USH2A: variants seen among roughly 807,000 people sequenced by gnomAD.
USH2A encodes Usher syndrome 2A (autosomal recessive, mild).
A neutral mutation model predicts 538.9 loss-of-function variants in USH2A; 443 were observed. The ratio of observed to expected loss-of-function variants is 0.82; its 90% confidence interval spans 0.76 to 0.89. The LOEUF (loss-of-function observed/expected upper bound fraction) is 0.89. Among genes scored for constraint, USH2A ranks in the 40% least tolerant of loss-of-function variants. The pLI, the probability that USH2A is intolerant of heterozygous loss-of-function variation, is 0.00. For missense variants in USH2A, 6,633 were observed against 6,324.8 expected, an observed-to-expected ratio of 1.05 and a Z score of -1.65; for synonymous variants, 2,413 against 2,273.5, an observed-to-expected ratio of 1.06 and a Z score of -1.75.
At chr1:215,627,437 C>CTTCTTCCTTCT (rs1222011734) in intron 71 of USH2A, among the ~76,000 whole-genome samples, 1 of 50,728 alleles carries the variant, frequency 2.0e-5, no homozygotes, top group Non-Finnish European at 4.2e-5. Flanking sequence ...TCCTTCCTTC[C>CTTCTTCCTTCT]TTCCTTCCTT....
intron 47 of USH2A, among the ~76,000 whole-genome samples, chr1:215,822,721 T>G (rs1663045045): frequency 3.3e-5 from 5 of 152,148 alleles, no homozygotes; most frequent in Admixed American, 6.6e-5. Flanking sequence ...ACTTTCATTT[T>G]TTCCCAGTTC....
intron 10 of USH2A, among the ~76,000 whole-genome samples, chr1:216,290,732 A>C (rs1351185269): frequency 6.6e-6 from 1 of 152,168 alleles, no homozygotes; most frequent in Admixed American, 6.5e-5. Context: ...TGTCTCTTAG[A>C]AACCGAGTGA....
chr1:215,950,795 C>T (rs922724353), intron 37 of USH2A, among the ~76,000 whole-genome samples: 7 of 151,976 alleles, frequency 4.6e-5, no homozygotes, highest in Non-Finnish European at 8.8e-5. Context: ...GGCATGAGCC[C>T]CTGCACCTGG....
chr1:216,025,393 A>ATTTTTTTTTTTTTTTTTT (rs1319031798), intron 32 of USH2A, among the ~76,000 whole-genome samples: 1 of 151,626 alleles, frequency 6.6e-6, no homozygotes, highest in African/African-American at 2.4e-5. Flanking sequence ...ATTTTACAAT[A>ATTTTTTTTTTTTTTTTTT]TTTTTATTTT....
chr1:215,705,288 A>G (rs959607230), intron 61 of USH2A, among the ~76,000 whole-genome samples: 10 of 152,204 alleles, frequency 6.6e-5, no homozygotes, highest in Non-Finnish European at 1.3e-4. Context: ...TTTAAGTTTT[A>G]TATGAAGTGA....
At chr1:216,207,555 GT>G in intron 15 of USH2A, 124 bp from the exon 16 acceptor site, 1 of 1,194,770 alleles carries the variant, frequency 8.4e-7, no homozygotes, top group Non-Finnish European at 1.2e-6. Context: ...AAGACATGTG[GT>G]TTACCAAGAC....
intron 30 of USH2A, among the ~76,000 whole-genome samples, chr1:216,053,124 A>T (rs965077106): frequency 6.6e-6 from 1 of 152,252 alleles, no homozygotes; most frequent in African/African-American, 2.4e-5. Flanking sequence ...ACAGTAACAG[A>T]TTGATACATA....
intron 3 of USH2A, among the ~76,000 whole-genome samples, chr1:216,401,406 A>G (rs1053293048): frequency 2.0e-5 from 3 of 152,120 alleles, no homozygotes; most frequent in African/African-American, 7.2e-5. Flanking sequence ...AAATAGAAAA[A>G]ATAAAATTGC....
rs576383090 is a variant in USH2A, at chr1:216,100,553, A to G, written c.4628-3340T>C. ...TTATAATAAAACCTATTCCTATAAA[A>G]TTACTCAGCTTGAGGTTATTTCACA... On this transcript the variant is annotated intron_variant, in intron 21 of 71. Coordinates refer to ENST00000307340, the MANE Select transcript of USH2A (RefSeq NM_206933.4). Among the ~76,000 whole-genome samples, 5 of 152,268 alleles carry G rather than the reference A, an allele frequency of 3.3e-5. No individual in the cohort carries two copies. The East Asian group carries it at 9.7e-4, about 29-fold the overall frequency.
chr1:216,014,712 A>G (rs1385311644), intron 32 of USH2A, among the ~76,000 whole-genome samples: 1 of 152,228 alleles, frequency 6.6e-6, no homozygotes, highest in East Asian at 1.9e-4. Context: ...TGCATTAGAA[A>G]TGGATCCACA....
intron 64 of USH2A, among the ~76,000 whole-genome samples, chr1:215,659,227 T>A (rs994253693): frequency 2.0e-5 from 3 of 152,152 alleles, no homozygotes; most frequent in Non-Finnish European, 4.4e-5. Context: ...CAGATGACCA[T>A]CAAGCTGGGA....
rs1158061013 is a variant in USH2A, at chr1:216,073,397, G to A, written c.5573-97C>T. ...GCAGCACTACATTTTGAGGAAGGGGGGTGGTTAGATACAATTGCTAGACTT... is the reference window on the plus strand; with the variant it reads ...GCAGCACTACATTTTGAGGAAGGGGAGTGGTTAGATACAATTGCTAGACTT... On this transcript the variant is annotated intron_variant, in intron 27 of 71. Transcript: ENST00000307340. 6.0e-6 allele frequency: 8 copies of A among 1,322,714 alleles called. No individual in the cohort carries two copies. In the East Asian group the frequency reaches 1.7e-4, roughly 29 times the overall value. The allele number at this position is 1,322,714 out of a possible 1,614,324, so 81.9% of individuals were successfully genotyped here. A position where few individuals can be genotyped will look rare whatever the true frequency, so the allele number is the denominator to read the frequency against.
chr1:215,929,701 G>A (rs1178606681), intron 38 of USH2A, among the ~76,000 whole-genome samples: 1 of 152,026 alleles, frequency 6.6e-6, no homozygotes, highest in Admixed American at 6.6e-5. Flanking sequence ...CAATCCTCCA[G>A]TCAGGTGGGA....
intron 58 of USH2A, among the ~76,000 whole-genome samples, chr1:215,750,795 T>C (rs1445193288): frequency 6.6e-6 from 1 of 152,084 alleles, no homozygotes; most frequent in African/African-American, 2.4e-5. Context: ...TAGCTTGGAG[T>C]GTCTAAATTG....
At chr1:215,738,857 A>G (rs1319403883) in intron 60 of USH2A, among the ~76,000 whole-genome samples, 2 of 152,196 alleles carry the variant, frequency 1.3e-5, no homozygotes, top group Admixed American at 6.5e-5. Flanking sequence ...CTCCTCAGAA[A>G]TACTGCAGGC....
intron 21 of USH2A, among the ~76,000 whole-genome samples, chr1:216,112,768 C>T (rs2032906544): frequency 6.6e-6 from 1 of 151,900 alleles, no homozygotes; most frequent in African/African-American, 2.4e-5. Context: ...CTCTATGTTC[C>T]TGCAAAAGAC....
chr1:216,190,225 G>T lies in USH2A; in HGVS notation c.4394C>A (p.Ala1465Glu). 2 of 1,612,062 alleles carry T rather than the reference G, an allele frequency of 1.2e-6. No individual in the cohort carries two copies. The highest frequency in any genetic ancestry group is 2.2e-5 in the East Asian group (1 of 44,728). Reference sequence around the variant, plus strand: ...CATATCCATTAAAACTTGCTTACCTGCTGCTAAAGTTTGTCCTGCTCCCGA... The same window carrying T: ...CATATCCATTAAAACTTGCTTACCTTCTGCTAAAGTTTGTCCTGCTCCCGA... ...SASGAGQTLA[A>E]APAQLRPPLV... Residue 1465 changes from alanine to glutamate, a missense_variant and splice_region_variant, in exon 20 of 72, where the codon GCA becomes GAA. By Grantham distance (107) the Ala-to-Glu change is moderately radical. Transcript: ENST00000307340.
chr1:216,083,305 G>T, intron 26 of USH2A, 151 bp downstream of exon 26: 1 of 744,106 alleles, frequency 1.3e-6, no homozygotes, highest in Non-Finnish European at 2.1e-6. Flanking sequence ...TGTTTCACAG[G>T]ACTTCAAAAC....
intron 32 of USH2A, among the ~76,000 whole-genome samples, chr1:216,017,193 C>T (rs557327468): frequency 3.3e-5 from 5 of 152,124 alleles, no homozygotes; most frequent in African/African-American, 9.6e-5. Context: ...AGTCTCCTCT[C>T]GTGTTCTCTC....
Sources: gnomAD v4.1 joint callset for allele counts (sites outside exome capture counted in the v4.1 genomes callset) on GRCh38, gnomAD v4.1.1 for gene constraint, MANE v1.5 for transcripts, NCBI Gene and HGNC (gene_info 2026-07-23, HGNC 2026-07-21) for gene names.